HSD17B4: variants seen among roughly 807,000 people sequenced by gnomAD.
The protein encoded by HSD17B4 is peroxisomal multifunctional enzyme type 2.
In HSD17B4, 70 loss-of-function variants were observed where a neutral mutation model predicts 101.0. That is an observed-to-expected ratio of 0.69 (90% CI 0.57 to 0.85). The LOEUF is 0.85. Among genes scored for constraint, HSD17B4 ranks in the 40% least tolerant of loss-of-function variants. The probability of loss-of-function intolerance (pLI) is 0.00; values close to 1 mark genes in which losing one functional copy is unlikely to be tolerated. For missense variants in HSD17B4, 984 were observed against 892.4 expected (o/e 1.10, Z -1.31); for synonymous variants, 347 against 297.1 (o/e 1.17, Z -1.73).
chr5:119,541,933 G>C lies in HSD17B4; in HGVS notation c.2150G>C (p.Arg717Thr). 1 of 1,613,126 alleles carries C rather than the reference G, an allele frequency of 6.2e-7. No homozygotes were observed. The highest frequency in any genetic ancestry group is 8.5e-7 in the Non-Finnish European group (1 of 1,179,480). Residue 717 changes from arginine to threonine, a missense_variant, in exon 24 of 24, where the codon AGA becomes ACA. Transcript: ENST00000510025. Reference protein sequence around the residue: ...KAFFSGRLKARGNIMLSQKLQ... With the variant: ...KAFFSGRLKATGNIMLSQKLQ... ...TTCTTTAGTGGCAGGCTGAAGGCCA[G>C]AGGGAACATCATGCTGAGCCAGAAA...
intron 20 of HSD17B4, among the ~76,000 whole-genome samples, chr5:119,527,862 G>A (rs920037151): frequency 2.6e-5 from 4 of 152,038 alleles, no homozygotes; most frequent in African/African-American, 9.7e-5. Flanking sequence ...CAGAGTCTGG[G>A]CCTAACAAAT....
chr5:119,467,847 A>G (rs1755967806), intron 2 of HSD17B4, among the ~76,000 whole-genome samples: 1 of 152,160 alleles, frequency 6.6e-6, no homozygotes, highest in South Asian at 2.1e-4. Flanking sequence ...TTATGAATGT[A>G]GTTATTCTGC....
At chr5:119,455,257 G>A (rs765239904) in intron 1 of HSD17B4, among the ~76,000 whole-genome samples, 1 of 152,110 alleles carries the variant, frequency 6.6e-6, no homozygotes, top group African/African-American at 2.4e-5. Context: ...GGTGGCTCAC[G>A]CCTGTAATCC....
At chr5:119,460,771 CA>C (rs1177510868) in intron 2 of HSD17B4, among the ~76,000 whole-genome samples, 1 of 152,050 alleles carries the variant, frequency 6.6e-6, no homozygotes, top group Non-Finnish European at 1.5e-5. Flanking sequence ...TCAAGAAATA[CA>C]TATGTAAAAA....
intron 10 of HSD17B4, chr5:119,492,935 G>A (rs1750247776): frequency 6.6e-6 from 1 of 152,138 alleles, no homozygotes; most frequent in Admixed American, 6.5e-5. Context: ...GCTATCTCTG[G>A]AGGGCATTGC....
intron 22 of HSD17B4, among the ~76,000 whole-genome samples, chr5:119,532,763 T>A (rs1397292900): frequency 6.6e-6 from 1 of 152,096 alleles, no homozygotes; most frequent in Non-Finnish European, 1.5e-5. Context: ...AGATAAAGAA[T>A]CAGAGGATTT....
intron 16 of HSD17B4, among the ~76,000 whole-genome samples, chr5:119,512,287 A>G (rs1752246157): frequency 6.6e-6 from 1 of 152,172 alleles, no homozygotes; most frequent in South Asian, 2.1e-4. Flanking sequence ...GGAACAGAAA[A>G]AAATTTTGAG....
intron 2 of HSD17B4, among the ~76,000 whole-genome samples, chr5:119,470,901 G>A (rs1322809634): frequency 6.6e-6 from 1 of 152,158 alleles, no homozygotes; most frequent in Non-Finnish European, 1.5e-5. Flanking sequence ...TGTCAATTTA[G>A]TGGTCTCTAA....
Position 119,492,124 on chromosome 5 carries a change from T to C in HSD17B4, c.739T>C (p.Leu247=), listed in dbSNP as rs1489974965. The C allele has an allele frequency of 6.2e-7, 1 of 1,605,940 alleles. No homozygotes were observed. The highest frequency in any genetic ancestry group is 8.5e-7 in the Non-Finnish European group (1 of 1,173,002). The change falls in exon 10 of 24, where the codon TTA becomes CTA. Residue 247 remains leucine, a splice_region_variant and synonymous_variant. Coordinates refer to ENST00000510025, the MANE Select transcript of HSD17B4 (RefSeq NM_000414.4). ...FEVGAGWIGK[L]RWERTLGAIV... ...GGTTGGAGCAGGATGGATTGGAAAA[T>C]GTAAGTCTCTCTCAGTTTTTGGTTT...
At chr5:119,494,235 C>T (rs769018277) in intron 11 of HSD17B4, among the ~76,000 whole-genome samples, 1 of 152,084 alleles carries the variant, frequency 6.6e-6, no homozygotes, top group African/African-American at 2.4e-5. Context: ...CACTTACATC[C>T]TCACTGATGG....
In HSD17B4 at chr5:119,495,427, C is replaced by T. The variant is rs1222339170; in HGVS notation, c.869-1116C>T. ...TTGACTTTCCAGAGCATCTCTTCTA[C>T]TGTTTTTATTTTACAGATGATGGAA... On this transcript the variant is annotated intron_variant, in intron 11 of 23. Coordinates refer to ENST00000510025, the MANE Select transcript of HSD17B4 (RefSeq NM_000414.4). 2.0e-5 allele frequency among the ~76,000 whole-genome samples: 3 copies of T among 152,270 alleles called. No homozygotes were observed. The East Asian group carries it at 5.8e-4, about 29-fold the overall frequency.
intron 12 of HSD17B4, 100 bp downstream of exon 12, chr5:119,496,746 T>C (rs1364236289): frequency 7.6e-6 from 6 of 788,676 alleles, no homozygotes; most frequent in Non-Finnish European, 1.4e-5. Flanking sequence ...TCTCTTTTCT[T>C]TTGGATGCAG....
At chr5:119,538,047 G>C (rs1184365304) in intron 23 of HSD17B4, among the ~76,000 whole-genome samples, 1 of 152,064 alleles carries the variant, frequency 6.6e-6, no homozygotes. Flanking sequence ...AGTCTTCTCT[G>C]AGCTCCACAG....
Position 119,525,296 on chromosome 5 carries a change from T to G in HSD17B4, c.1573+11T>G. ...TTGCTAGTCTAGCAGGTGAGTTGTCTTTAATATGTATCAATGAAAAATATT... is the reference window on the plus strand; with the variant it reads ...TTGCTAGTCTAGCAGGTGAGTTGTCGTTAATATGTATCAATGAAAAATATT... On this transcript the variant is annotated intron_variant, in intron 18 of 23. Transcript: ENST00000510025. 1 of 1,545,730 alleles carries G rather than the reference T, an allele frequency of 6.5e-7. No homozygotes were observed.
chr5:119,484,511 A>AAT (rs562152499), intron 8 of HSD17B4, among the ~76,000 whole-genome samples: 3 of 152,222 alleles, frequency 2.0e-5, no homozygotes, highest in East Asian at 3.9e-4. Context: ...TTACTTATGC[A>AAT]ATATATATAT....
rs781758406 is a variant in HSD17B4 at position 119,452,556 on chromosome 5, T to C, written c.-20T>C. On this transcript the variant is annotated 5_prime_UTR_variant, in exon 1 of 24. Coordinates refer to ENST00000510025, the MANE Select transcript of HSD17B4 (RefSeq NM_000414.4). ...CAGCGGCTCTGCTTGTTCGTGTGTG[T>C]GTCGTTGCAGGCCTTATTCATGGGC... The C allele has an allele frequency of 1.1e-5, 18 of 1,613,816 alleles. No individual in the cohort carries two copies. In the Admixed American group the frequency reaches 1.3e-4, roughly 12 times the overall value.
intron 2 of HSD17B4, among the ~76,000 whole-genome samples, chr5:119,471,120 T>A (rs1035258769): frequency 2.0e-5 from 3 of 152,222 alleles, no homozygotes; most frequent in African/African-American, 7.2e-5. Flanking sequence ...AACTTTCTTG[T>A]GCTTAAAAAG....
At position 119,496,204 on chromosome 5, in the gene HSD17B4, A is replaced by C. The variant is rs536725101; in HGVS notation, c.869-339A>C. The stretch of plus-strand genomic sequence containing the variant: ...GAATCAGTGATCTCTCCATCAGACA[A>C]ATTGCATGTCTATAGACAAGTATTT... On this transcript the variant is annotated intron_variant, in intron 11 of 23. Transcript: ENST00000510025. Among the ~76,000 whole-genome samples, 3 of 152,304 alleles carry C rather than the reference A, an allele frequency of 2.0e-5. No homozygotes were observed. The South Asian group carries it at 6.2e-4, about 32-fold the overall frequency.
chr5:119,513,423 G>A (rs1362754619), intron 16 of HSD17B4, among the ~76,000 whole-genome samples: 1 of 151,396 alleles, frequency 6.6e-6, no homozygotes, highest in Non-Finnish European at 1.5e-5. Context: ...TCACTGTATC[G>A]CCCAGCCTGG....
Sources: allele counts gnomAD v4.1 joint callset (sites outside exome capture counted in the v4.1 genomes callset), GRCh38; gene constraint gnomAD v4.1.1; transcripts MANE v1.5; gene names NCBI Gene and HGNC (gene_info 2026-07-23, HGNC 2026-07-21).